The following RAB34 variants were observed in gnomAD, a reference collection of about 807,000 sequenced individuals.
The protein encoded by RAB34 is RAB34, member RAS oncogene family, also known as ras-related protein Rab-34.
In RAB34, 33 loss-of-function variants were observed where a neutral mutation model predicts 39.0. The ratio of observed to expected loss-of-function variants is 0.85; its 90% CI spans 0.64 to 1.13. The LOEUF is 1.13. RAB34 is among the 50% of genes most tolerant of loss of function. The pLI, the probability that RAB34 is intolerant of heterozygous loss-of-function variation, is 0.00. For synonymous variants in RAB34, 135 were observed against 125.1 expected, an observed-to-expected ratio of 1.08 and a Z score of -0.53; for missense variants, 289 against 326.1, an observed-to-expected ratio of 0.89 and a Z score of 0.88.
At chr17:28,717,975 C>T, upstream of RAB34, 5 of 1,001,658 alleles carry the variant, frequency 5.0e-6, no homozygotes, top group South Asian at 2.0e-5. Flanking sequence ...CACCCTTCTG[C>T]GTTGCCCCGC....
chr17:28,714,735 A>C, intron 9 of RAB34, 25 bp from the exon 10 acceptor site: 1 of 1,614,078 alleles, frequency 6.2e-7, no homozygotes, highest in South Asian at 1.1e-5. Flanking sequence ...AAAATATGTG[A>C]AGCAGGGATT....
Position 28,716,479 on chromosome 17 carries a change from A to G in RAB34, c.147-421T>C, listed in dbSNP as rs183835500. 1.0e-4 allele frequency: 26 copies of G among 255,080 alleles called. No individual in the cohort carries two copies. The East Asian group carries it at 2.1e-3, about 21-fold the overall frequency. 15.8% of individuals were successfully genotyped at this position (255,080 alleles called of 1,614,324 possible). The stretch of plus-strand genomic sequence containing the variant: ...CTTAAGTGATGGACTTTTCCATTCA[A>G]TAAAGATGATAGTACCCAACACTGC... On this transcript the variant is annotated intron_variant, in intron 2 of 9. Coordinates refer to ENST00000395245, the MANE Select transcript of RAB34 (RefSeq NM_031934.6).
At position 28,714,590 on chromosome 17, in the gene RAB34, A is replaced by AGG; in HGVS notation, c.*51_*52dup. The AGG allele has an allele frequency of 6.2e-7, 1 of 1,613,690 alleles. No individual in the cohort carries two copies. Among genetic ancestry groups the AGG allele is most frequent in the Non-Finnish European group, 8.5e-7 (1 of 1,180,018 alleles). ...CCAGGGGTCAAGCTCTGGAGGAATG[A>AGG]GGGTGGCACAGTGCCCTAGGGCTGG... On this transcript the variant is annotated 3_prime_UTR_variant, in exon 10 of 10. Coordinates refer to ENST00000395245, the MANE Select transcript of RAB34 (RefSeq NM_031934.6).
chr17:28,715,558 T>A, intron 5 of RAB34, 51 bp from the exon 6 acceptor site: 1 of 1,614,058 alleles, frequency 6.2e-7, no homozygotes, highest in Non-Finnish European at 8.5e-7. Flanking sequence ...ACACTACTGC[T>A]CATTTCCCCA....
chr17:28,717,312 G>C lies in RAB34; in HGVS notation c.-46C>G. 3 of 1,555,516 alleles carry C rather than the reference G, an allele frequency of 1.9e-6. No individual in the cohort carries two copies. The highest frequency in any genetic ancestry group is 2.7e-5 in the African/African-American group (2 of 73,428). ...GCGCCCTGAGAAGGCGCCGAGGCCG[G>C]ATCCGCGTCAGCGACCCGGGCGCGT... On this transcript the variant is annotated 5_prime_UTR_variant, in exon 1 of 10. In the 5' UTR this introduces an upstream ATG that the reference lacks. Coordinates refer to ENST00000395245, the MANE Select transcript of RAB34 (RefSeq NM_031934.6).
upstream of RAB34, chr17:28,718,063 C>T: frequency 1.3e-6 from 2 of 1,512,238 alleles, no homozygotes; most frequent in Non-Finnish European, 1.8e-6. Context: ...GATAGGGACT[C>T]CCCAGGCTGC....
rs760851037 is a variant in RAB34, at chr17:28,717,193, G to A, written c.54+20C>T. ...CACCCCGGGCTGTAGACTGAAGCCCGACGTGGCCCCGGCGCCTACCTGGGG... is the reference window on the plus strand; with the variant it reads ...CACCCCGGGCTGTAGACTGAAGCCCAACGTGGCCCCGGCGCCTACCTGGGG... On this transcript the variant is annotated intron_variant, in intron 1 of 9. Coordinates refer to ENST00000395245, the MANE Select transcript of RAB34 (RefSeq NM_031934.6). The A allele has an allele frequency of 5.7e-6, 9 of 1,591,584 alleles. No individual in the cohort carries two copies. The South Asian group carries it at 1.0e-4, about 18-fold the overall frequency.
chr17:28,717,715 G>A lies in RAB34; in HGVS notation c.-449C>T. On this transcript the variant is annotated 5_prime_UTR_variant, in exon 1 of 10. Transcript: ENST00000395245. ...GCTGAGGCTGCCCTACCATTACAGA[G>A]CGGCCCGGGGGCGCGGAGCGGCCCC... The A allele has an allele frequency of 7.5e-7, 1 of 1,334,458 alleles. No individual in the cohort carries two copies. The highest frequency in any genetic ancestry group is 1.5e-5 in the African/African-American group (1 of 64,936). The allele number at this position is 1,334,458 out of a possible 1,614,324, so 82.7% of individuals were successfully genotyped here.
chr17:28,715,534 G>A (rs1286396555), intron 5 of RAB34, 27 bp from the exon 6 acceptor site: 1 of 1,613,978 alleles, frequency 6.2e-7, no homozygotes, highest in African/African-American at 1.3e-5. Flanking sequence ...AACAGCCCCA[G>A]GTTGACAGGG....
At chr17:28,715,567 C>T in intron 5 of RAB34, 60 bp from the exon 6 acceptor site, 4 of 1,614,124 alleles carry the variant, frequency 2.5e-6, no homozygotes, top group South Asian at 1.1e-5. Flanking sequence ...CTCATTTCCC[C>T]AATCCTTCCA....
chr17:28,716,043 C>T lies in RAB34; in HGVS notation c.162G>A (p.Lys54=). 6.2e-7 allele frequency: 1 copy of T among 1,613,960 alleles called. No individual in the cohort carries two copies. The highest frequency in any genetic ancestry group is 8.5e-7 in the Non-Finnish European group (1 of 1,180,012). The change falls in exon 3 of 10, where the codon AAG becomes AAA. Residue 54 remains lysine (K), a synonymous_variant. Coordinates refer to ENST00000395245, the MANE Select transcript of RAB34 (RefSeq NM_031934.6). The stretch of plus-strand genomic sequence containing the variant: ...CCGACAGGTCCCCCACCACAATGAC[C>T]TTGGAGATCTTAAATCTGCTGGACA... ...RTGTVGFKIS[K]VIVVGDLSVG...
Position 28,715,094 on chromosome 17 carries a change from TTC to T in RAB34, c.540_541del (p.Lys181ArgfsTer12). On this transcript the variant is annotated frameshift_variant, in exon 8 of 10. Coordinates refer to ENST00000395245, the MANE Select transcript of RAB34 (RefSeq NM_031934.6). LOFTEE classifies it high-confidence loss of function. ...CTCCTGGGCCACCTGGAGGGCGTCTTTCTCCATCAGCGCATACTGAGCAGGGG... is the reference window on the plus strand; with the variant it reads ...CTCCTGGGCCACCTGGAGGGCGTCTTTCCATCAGCGCATACTGAGCAGGGG... 1 of 1,614,112 alleles carries T rather than the reference TTC, an allele frequency of 6.2e-7. No homozygotes were observed. The highest frequency in any genetic ancestry group is 8.5e-7 in the Non-Finnish European group (1 of 1,180,036).
chr17:28,717,950 C>T, upstream of RAB34: 4 of 1,267,416 alleles, frequency 3.2e-6, no homozygotes, highest in Non-Finnish European at 3.0e-6. Context: ...CCCGCCCTCG[C>T]CACCCCCTCC....
rs149679668 is a variant in RAB34 at position 28,715,090 on chromosome 17, G to A, written c.546C>T (p.Asp182=). Residue 182 remains aspartate (D), a synonymous_variant, in exon 8 of 10, where the codon GAC becomes GAT. Coordinates refer to ENST00000395245, the MANE Select transcript of RAB34 (RefSeq NM_031934.6). ...TPAQYALMEK[D]ALQVAQEMKA... ...TCATCTCCTGGGCCACCTGGAGGGC[G>A]TCTTTCTCCATCAGCGCATACTGAG... is the stretch of plus-strand genomic sequence containing the variant. The A allele has an allele frequency of 1.9e-4, 309 of 1,613,988 alleles. No homozygotes were observed. The highest frequency in any genetic ancestry group is 4.9e-4 in the Middle Eastern group (3 of 6,084).
At position 28,714,463 on chromosome 17, in the gene RAB34, G is replaced by A; in HGVS notation, c.*180C>T. The A allele has an allele frequency of 7.2e-7, 1 of 1,388,390 alleles. No individual in the cohort carries two copies. The highest frequency in any genetic ancestry group is 1.0e-6 in the Non-Finnish European group (1 of 984,954). The allele number at this position is 1,388,390 out of a possible 1,614,324, so 86.0% of individuals were successfully genotyped here. The stretch of plus-strand genomic sequence containing the variant: ...GGGGGCATCCAGTCTTTGGCACGGT[G>A]CCTGGGGGCAGGAAGTGACTAGCAT... On this transcript the variant is annotated 3_prime_UTR_variant, in exon 10 of 10. Transcript: ENST00000395245.
chr17:28,714,321 T>C lies in RAB34; in HGVS notation c.*322A>G. On this transcript the variant is annotated 3_prime_UTR_variant, in exon 10 of 10. Transcript: ENST00000395245. Reference sequence around the variant, plus strand: ...AGAAATTTTAATGCATAAGGCACAGTGAGAGGCTGGAATCATTAAGCATCC... The same window carrying C: ...AGAAATTTTAATGCATAAGGCACAGCGAGAGGCTGGAATCATTAAGCATCC... 1 of 583,982 alleles carries C rather than the reference T, an allele frequency of 1.7e-6. No homozygotes were observed. Among genetic ancestry groups the C allele is most frequent in the Non-Finnish European group, 3.1e-6 (1 of 326,288 alleles). The allele number at this position is 583,982 out of a possible 1,614,324, so 36.2% of individuals were successfully genotyped here. A position where few individuals can be genotyped will look rare whatever the true frequency, so the allele number is the denominator to read the frequency against.
At position 28,714,738 on chromosome 17, in the gene RAB34, C is replaced by T. The variant is rs751584615; in HGVS notation, c.713-28G>A. ...AAAGAAGGGTGGAAAATATGTGAAG[C>T]AGGGATTGGAGGCTCACTGTGCCCT... On this transcript the variant is annotated intron_variant, in intron 9 of 9. Coordinates refer to ENST00000395245, the MANE Select transcript of RAB34 (RefSeq NM_031934.6). 55 of 1,613,986 alleles carry T rather than the reference C, an allele frequency of 3.4e-5. No homozygotes were observed. The Admixed American group carries it at 9.0e-4, about 26-fold the overall frequency.
In RAB34 at chr17:28,714,439, G is replaced by A. The variant is rs1360172081; in HGVS notation, c.*204C>T. ...CCCTGGACAGTCCCCTGAGGAGTAG[G>A]GGGCATCCAGTCTTTGGCACGGTGC... On this transcript the variant is annotated 3_prime_UTR_variant, in exon 10 of 10. Transcript: ENST00000395245. 3.7e-6 allele frequency: 4 copies of A among 1,067,140 alleles called. No individual in the cohort carries two copies. The African/African-American group carries it at 6.2e-5, about 17-fold the overall frequency. The allele number at this position is 1,067,140 out of a possible 1,614,324, so 66.1% of individuals were successfully genotyped here.
In RAB34 at chr17:28,717,336, G is replaced by C; in HGVS notation, c.-70C>G. On this transcript the variant is annotated 5_prime_UTR_variant, in exon 1 of 10. Transcript: ENST00000395245. ...GGATCCGCGTCAGCGACCCGGGCGC[G>C]TGGAGACCCGACGATCACCCGCGGC... The C allele has an allele frequency of 6.5e-7, 1 of 1,539,452 alleles. No individual in the cohort carries two copies. Among genetic ancestry groups the C allele is most frequent in the Non-Finnish European group, 8.7e-7 (1 of 1,146,972 alleles).
Sources: allele counts gnomAD v4.1 joint callset, GRCh38; gene constraint gnomAD v4.1.1; transcripts MANE v1.5; gene names NCBI Gene and HGNC (gene_info 2026-07-23, HGNC 2026-07-21).